The following SLAMF7 variants were observed in gnomAD, a reference collection of about 807,000 sequenced individuals.
SLAMF7 encodes the protein 19A24 protein.
A neutral mutation model predicts 34.1 loss-of-function variants in SLAMF7; 26 were observed. The observed-to-expected ratio is 0.76, with a 90% confidence interval of 0.56 to 1.06. The LOEUF (loss-of-function observed/expected upper bound fraction) is 1.06. SLAMF7 is among the 50% of genes least tolerant of loss of function. SLAMF7 has a pLI of 0.00. For synonymous variants in SLAMF7, 171 were observed against 156.4 expected (o/e 1.09, Z -0.70); for missense variants, 399 against 402.5 (o/e 0.99, Z 0.07).
At position 160,753,189 on chromosome 1, in the gene SLAMF7, C is replaced by A. The variant is rs1028633838; in HGVS notation, c.*12C>A. On this transcript the variant is annotated 3_prime_UTR_variant, in exon 7 of 7. Transcript: ENST00000368043. Reference sequence around the variant, plus strand: ...AGAATGTTATCTAGACAGCAGTGCACTCCCCTAAGTCTCTGCTCAAAAAAA... The same window carrying A: ...AGAATGTTATCTAGACAGCAGTGCAATCCCCTAAGTCTCTGCTCAAAAAAA... The A allele has an allele frequency of 1.2e-6, 2 of 1,604,928 alleles. No individual in the cohort carries two copies.
chr1:160,746,199 T>G (rs1302924812), intron 1 of SLAMF7, among the ~76,000 whole-genome samples: 1 of 152,202 alleles, frequency 6.6e-6, no homozygotes, highest in Admixed American at 6.5e-5. Flanking sequence ...GAAATGAATA[T>G]AGCAATAACA....
At chr1:160,740,379 GA>G (rs1325930324) in intron 1 of SLAMF7, among the ~76,000 whole-genome samples, 1 of 152,034 alleles carries the variant, frequency 6.6e-6, no homozygotes, top group Non-Finnish European at 1.5e-5. Flanking sequence ...GAAAATTATA[GA>G]GACTTTGAAA....
chr1:160,748,615 A>C, intron 2 of SLAMF7, 101 bp downstream of exon 2: 1 of 1,079,638 alleles, frequency 9.3e-7, no homozygotes, highest in Non-Finnish European at 1.3e-6. Flanking sequence ...ACACTTGGCA[A>C]GAATGTGGGA....
At chr1:160,747,692 C>G (rs1438300137) in intron 1 of SLAMF7, among the ~76,000 whole-genome samples, 1 of 152,218 alleles carries the variant, frequency 6.6e-6, no homozygotes, top group Admixed American at 6.5e-5. Flanking sequence ...GAGTGAGACT[C>G]TGTCTCAAAA....
At chr1:160,750,558 C>G (rs1664488620) in intron 4 of SLAMF7, 135 bp downstream of exon 4, 1 of 1,059,548 alleles carries the variant, frequency 9.4e-7, no homozygotes, top group Non-Finnish European at 1.4e-6. Flanking sequence ...GCCACAGTCT[C>G]TGCCCTCAAG....
rs1319481692 is a variant in SLAMF7, at chr1:160,753,168, T to C, written c.999T>C (p.Asn333=). 1 of 1,612,784 alleles carries C rather than the reference T, an allele frequency of 6.2e-7. No individual in the cohort carries two copies. The highest frequency in any genetic ancestry group is 8.5e-7 in the Non-Finnish European group (1 of 1,179,808). Reference sequence around the variant, plus strand: ...CACCAAGGCTATTTGCCTATGAGAATGTTATCTAGACAGCAGTGCACTCCC... The same window carrying C: ...CACCAAGGCTATTTGCCTATGAGAACGTTATCTAGACAGCAGTGCACTCCC... ...PDTPRLFAYE[N]VI is the part of the protein sequence containing the mutation. The change falls in exon 7 of 7, where the codon AAT becomes AAC. Residue 333 remains asparagine, a synonymous_variant. Transcript: ENST00000368043.
chr1:160,750,426 A>G lies in SLAMF7; in HGVS notation c.769+3A>G. 1.9e-6 allele frequency: 3 copies of G among 1,613,332 alleles called. No individual in the cohort carries two copies. Among genetic ancestry groups the G allele is most frequent in the Non-Finnish European group, 2.5e-6 (3 of 1,179,584 alleles). ...TCTGAAGAGAGAGAGACAAGAAGGTAGAGCGTGTACTATTTTTGTCCTCAC... is the reference window on the plus strand; with the variant it reads ...TCTGAAGAGAGAGAGACAAGAAGGTGGAGCGTGTACTATTTTTGTCCTCAC... On this transcript the variant is annotated splice_donor_region_variant and intron_variant, in intron 4 of 6. Coordinates refer to ENST00000368043, the MANE Select transcript of SLAMF7 (RefSeq NM_021181.5).
chr1:160,753,207 CAA>C lies in SLAMF7; in HGVS notation c.*39_*40del. On this transcript the variant is annotated 3_prime_UTR_variant, in exon 7 of 7. Coordinates refer to ENST00000368043, the MANE Select transcript of SLAMF7 (RefSeq NM_021181.5). ...CAGTGCACTCCCCTAAGTCTCTGCT[CAA>C]AAAAAAAACAATTCTCGGCCCAAAG... 2 of 1,327,580 alleles carry C rather than the reference CAA, an allele frequency of 1.5e-6. No individual in the cohort carries two copies. Among genetic ancestry groups the C allele is most frequent in the Non-Finnish European group, 1.0e-6 (1 of 972,218 alleles). 82.2% of individuals were successfully genotyped at this position (1,327,580 alleles called of 1,614,324 possible). A position where few individuals can be genotyped will look rare whatever the true frequency, so the allele number is the denominator to read the frequency against.
chr1:160,749,914 A>T lies in SLAMF7; in HGVS notation c.470A>T (p.Glu157Val). Residue 157 changes from glutamate to valine, a missense_variant, in exon 3 of 7, where the codon GAA becomes GTA. Physicochemically the swap from Glu to Val is moderately radical, Grantham distance 121 (BLOSUM62 -2). Transcript: ENST00000368043. Reference sequence around the variant, plus strand: ...CTGACATGCTGCATGGAACATGGGGAAGAGGATGTGATTTATACCTGGAAG... The same window carrying T: ...CTGACATGCTGCATGGAACATGGGGTAGAGGATGTGATTTATACCTGGAAG... The part of the protein sequence containing the change: ...TNLTCCMEHG[E>V]EDVIYTWKAL... 2 of 1,614,080 alleles carry T rather than the reference A, an allele frequency of 1.2e-6. No individual in the cohort carries two copies. Among genetic ancestry groups the T allele is most frequent in the Non-Finnish European group, 1.7e-6 (2 of 1,179,958 alleles).
chr1:160,751,854 C>CTATA (rs1664631696), intron 5 of SLAMF7: 2 of 55,956 alleles, frequency 3.6e-5, no homozygotes, highest in East Asian at 4.6e-4. Flanking sequence ...CTCTCTCTCT[C>CTATA]TCTCTCTCTA....
chr1:160,745,121 A>G (rs1300814964), intron 1 of SLAMF7, among the ~76,000 whole-genome samples: 1 of 152,214 alleles, frequency 6.6e-6, no homozygotes, highest in African/African-American at 2.4e-5. Context: ...TACATACCCA[A>G]GAAGAGGAAT....
intron 1 of SLAMF7, among the ~76,000 whole-genome samples, chr1:160,745,632 T>C (rs1480242520): frequency 2.6e-5 from 4 of 152,186 alleles, no homozygotes; most frequent in African/African-American, 9.7e-5. Flanking sequence ...CAATAAATCA[T>C]GGTCACAATT....
At chr1:160,748,639 C>A in intron 2 of SLAMF7, 125 bp downstream of exon 2, 3 of 867,508 alleles carry the variant, frequency 3.5e-6, no homozygotes, top group Non-Finnish European at 5.3e-6. Flanking sequence ...GGGACTTCTG[C>A]ATGAATGAAA....
intron 1 of SLAMF7, among the ~76,000 whole-genome samples, chr1:160,744,994 A>G (rs1664019694): frequency 6.6e-6 from 1 of 152,224 alleles, no homozygotes; most frequent in Non-Finnish European, 1.5e-5. Context: ...TTTTTAAAAA[A>G]TCAGATTACT....
chr1:160,750,255 C>T (rs781404959), intron 3 of SLAMF7, 49 bp from the exon 4 acceptor site: 4 of 1,602,868 alleles, frequency 2.5e-6, no homozygotes, highest in Non-Finnish European at 3.4e-6. Flanking sequence ...GGGTCGTTTT[C>T]CTGAGCTGAC....
chr1:160,742,352 C>T (rs76619841), intron 1 of SLAMF7, among the ~76,000 whole-genome samples: 1 of 152,086 alleles, frequency 6.6e-6, no homozygotes, highest in Non-Finnish European at 1.5e-5. Context: ...CAAAGGCAGG[C>T]GGGGGATGTA....
intron 1 of SLAMF7, among the ~76,000 whole-genome samples, chr1:160,747,516 C>A (rs1392286607): frequency 2.0e-5 from 3 of 152,080 alleles, no homozygotes; most frequent in Admixed American, 2.0e-4. Context: ...CCCACCTCTA[C>A]TAAAAACACA....
intron 4 of SLAMF7, chr1:160,750,675 CCTT>C (rs1235662749): frequency 5.3e-6 from 2 of 378,806 alleles, no homozygotes; most frequent in African/African-American, 4.1e-5. Context: ...TCACTTCTCT[CCTT>C]CTCCCAGAGG....
Position 160,743,973 on chromosome 1 carries a change from G to A in SLAMF7, c.56-4221G>A, listed in dbSNP as rs115399987. On this transcript the variant is annotated intron_variant, in intron 1 of 6. Transcript: ENST00000368043. ...CAAAGTGCTGGGATTACAGGCATAA[G>A]CCACCAATTCCAGCATCTTCCCTTT... Among the ~76,000 whole-genome samples the A allele has an allele frequency of 5.2e-3, 791 of 152,310 alleles. 12 individuals carry two copies. Among genetic ancestry groups the A allele is most frequent in the African/African-American group, 0.018 (756 of 41,558 alleles).
Sources: gnomAD v4.1 joint callset for allele counts (sites outside exome capture counted in the v4.1 genomes callset) on GRCh38, gnomAD v4.1.1 for gene constraint, MANE v1.5 for transcripts, NCBI Gene and HGNC (gene_info 2026-07-23, HGNC 2026-07-21) for gene names.